Variants in MAOB observed in about 807,000 individuals in gnomAD.
MAOB encodes amine oxidase [flavin-containing] B.
In MAOB, 15 loss-of-function variants were observed where a neutral mutation model predicts 41.9. The observed-to-expected ratio is 0.36, with a 90% CI of 0.24 to 0.55. The LOEUF (loss-of-function observed/expected upper bound fraction) is 0.55, where lower values mean the gene tolerates loss of function less well. Ranked by LOEUF, MAOB falls within the 20% of genes least tolerant of loss-of-function variation. The pLI is 0.86. For missense variants in MAOB, 345 were observed against 398.7 expected (o/e 0.87, Z 1.15); for synonymous variants, 167 against 144.2 (o/e 1.16, Z -1.13).
At chrX:43,796,443 C>T (rs919520428) in intron 6 of MAOB, among the ~76,000 whole-genome samples, 1 of 111,574 alleles carries the variant, frequency 9.0e-6, no homozygotes, top group Non-Finnish European at 1.9e-5. Context: ...CTGCCCTCAG[C>T]CTTGCTAAAA....
At chrX:43,787,468 T>C (rs1234243722) in intron 8 of MAOB, among the ~76,000 whole-genome samples, 1 of 112,223 alleles carries the variant, frequency 8.9e-6, no homozygotes, top group Non-Finnish European at 1.9e-5. Flanking sequence ...TTAGATAATA[T>C]AAACTTGTGC....
At chrX:43,838,428 A>G (rs912928073) in intron 3 of MAOB, among the ~76,000 whole-genome samples, 1 of 112,057 alleles carries the variant, frequency 8.9e-6, no homozygotes, top group African/African-American at 3.2e-5. Flanking sequence ...AAAGAAGAAT[A>G]ACTTTAGCTG....
intron 1 of MAOB, among the ~76,000 whole-genome samples, chrX:43,855,244 T>C (rs187009532): frequency 1.2e-4 from 14 of 112,212 alleles, no homozygotes; most frequent in African/African-American, 3.6e-4. Context: ...ATTAAAAACA[T>C]TGGCTTCAAT....
chrX:43,802,590 C>T (rs1407943291), intron 4 of MAOB, among the ~76,000 whole-genome samples: 3 of 111,961 alleles, frequency 2.7e-5, no homozygotes, highest in African/African-American at 9.7e-5. Context: ...CTAGAGAACA[C>T]TCATAAATTT....
chrX:43,865,192 C>G (rs2035357334), intron 1 of MAOB, among the ~76,000 whole-genome samples: 1 of 111,801 alleles, frequency 8.9e-6, no homozygotes, highest in African/African-American at 3.3e-5. Flanking sequence ...TATGGCACAC[C>G]CATATTATAG....
chrX:43,879,078 G>A (rs1306347822), intron 1 of MAOB, among the ~76,000 whole-genome samples: 3 of 111,662 alleles, frequency 2.7e-5, no homozygotes, highest in Non-Finnish European at 5.6e-5. Flanking sequence ...TGAGAGACGC[G>A]GGACAGATGC....
intron 3 of MAOB, among the ~76,000 whole-genome samples, chrX:43,825,686 C>A (rs929305166): frequency 1.3e-4 from 15 of 112,268 alleles, no homozygotes; most frequent in African/African-American, 4.5e-4. Flanking sequence ...CAAACCCTTA[C>A]TAAAAATTAT....
chrX:43,774,134 C>A (rs1601963034), intron 12 of MAOB, among the ~76,000 whole-genome samples: 1 of 111,897 alleles, frequency 8.9e-6, no homozygotes, highest in Middle Eastern at 4.6e-3. Context: ...TTTCCACTTA[C>A]CCCCTCTGTT....
intron 1 of MAOB, among the ~76,000 whole-genome samples, chrX:43,855,114 G>A (rs2035279724): frequency 9.0e-6 from 1 of 111,621 alleles, no homozygotes; most frequent in Non-Finnish European, 1.9e-5. Flanking sequence ...GGCAGGTCAA[G>A]ACTGTGAACT....
intron 1 of MAOB, among the ~76,000 whole-genome samples, chrX:43,867,142 T>G (rs1412036214): frequency 9.0e-6 from 1 of 111,418 alleles, no homozygotes; most frequent in Non-Finnish European, 1.9e-5. Context: ...GCCAAGGAGA[T>G]TTGGTAGGAT....
At chrX:43,863,519 G>C (rs1205414144) in intron 1 of MAOB, among the ~76,000 whole-genome samples, 1 of 111,641 alleles carries the variant, frequency 9.0e-6, no homozygotes, top group Non-Finnish European at 1.9e-5. Context: ...CCAAAGTTAA[G>C]AGTGGTTGTC....
chrX:43,808,682 ATCTATATC>A (rs2034700915), intron 3 of MAOB, among the ~76,000 whole-genome samples: 3 of 101,075 alleles, frequency 3.0e-5, no homozygotes, highest in African/African-American at 1.1e-4. Flanking sequence ...CTATATCTAT[ATCTATATC>A]TACACATAGA....
At chrX:43,854,470 C>T (rs1249524148) in intron 1 of MAOB, among the ~76,000 whole-genome samples, 1 of 111,123 alleles carries the variant, frequency 9.0e-6, no homozygotes, top group African/African-American at 3.3e-5. Flanking sequence ...AATGAGAACA[C>T]ATGGACACAG....
At chrX:43,800,007 C>T (rs1601982280) in intron 5 of MAOB, among the ~76,000 whole-genome samples, 1 of 111,744 alleles carries the variant, frequency 8.9e-6, no homozygotes, top group East Asian at 2.8e-4. Flanking sequence ...TATGATTGTG[C>T]TTTAGTTTGA....
intron 11 of MAOB, among the ~76,000 whole-genome samples, chrX:43,775,718 G>A (rs1601964181): frequency 8.9e-6 from 1 of 111,763 alleles, no homozygotes; most frequent in Admixed American, 9.5e-5. Flanking sequence ...CTTTCTTGAG[G>A]GAGGCTGAAC....
intron 3 of MAOB, among the ~76,000 whole-genome samples, chrX:43,808,421 T>C (rs1041454625): frequency 9.0e-6 from 1 of 111,380 alleles, no homozygotes; most frequent in Non-Finnish European, 1.9e-5. Context: ...CAGATGTGGT[T>C]AATTAATGTC....
intron 8 of MAOB, among the ~76,000 whole-genome samples, chrX:43,790,784 A>G (rs2034453974): frequency 9.0e-6 from 1 of 111,016 alleles, no homozygotes; most frequent in Admixed American, 9.6e-5. Context: ...AAGGCTCATT[A>G]CCAACAAGGA....
chrX:43,818,101 C>T (rs539611759), intron 3 of MAOB, among the ~76,000 whole-genome samples: 3 of 112,203 alleles, frequency 2.7e-5, no homozygotes, highest in African/African-American at 6.5e-5. Context: ...TAATAATGCT[C>T]ATATAAACAA....
intron 3 of MAOB, among the ~76,000 whole-genome samples, chrX:43,824,171 T>C (rs1158866612): frequency 4.5e-5 from 5 of 112,219 alleles, no homozygotes; most frequent in Non-Finnish European, 9.4e-5. Context: ...CACAGCAGGA[T>C]CCTAAGAATA....
Sources: allele counts gnomAD v4.1 joint callset (sites outside exome capture counted in the v4.1 genomes callset), GRCh38; gene constraint gnomAD v4.1.1; transcripts MANE v1.5; gene names NCBI Gene and HGNC (gene_info 2026-07-23, HGNC 2026-07-21).